NOL4: variants seen among roughly 807,000 people sequenced by gnomAD.
NOL4 encodes cancer/testis antigen 125.
Under a neutral mutation model 75.9 loss-of-function variants are expected in NOL4, and 17 were observed. The ratio of observed to expected loss-of-function variants is 0.22; its 90% CI spans 0.15 to 0.34. The LOEUF (loss-of-function observed/expected upper bound fraction) is 0.34. Among genes scored for constraint, NOL4 ranks in the 10% least tolerant of loss-of-function variants. NOL4 has a pLI of 1.00. For synonymous variants in NOL4, 292 were observed against 289.9 expected, an observed-to-expected ratio of 1.01 and a Z score of -0.07; for missense variants, 614 against 793.5, an observed-to-expected ratio of 0.77 and a Z score of 2.72.
chr18:33,912,884 G>C (rs988073688), intron 9 of NOL4, among the ~76,000 whole-genome samples: 14 of 152,108 alleles, frequency 9.2e-5, no homozygotes, highest in African/African-American at 2.9e-4. Flanking sequence ...AGTGTTACCT[G>C]TTTTCCCTGC....
At chr18:34,222,799 A>G (rs2037413731) in intron 1 of NOL4, among the ~76,000 whole-genome samples, 191 bp downstream of exon 1, 1 of 152,126 alleles carries the variant, frequency 6.6e-6, no homozygotes, top group South Asian at 2.1e-4. Context: ...AAAGGACCAC[A>G]AAGACTGTAC....
intron 1 of NOL4, among the ~76,000 whole-genome samples, chr18:34,214,025 A>C (rs1298135042): frequency 6.6e-6 from 1 of 152,182 alleles, no homozygotes. Context: ...GTAGTTGTGA[A>C]TGTACTAATA....
intron 1 of NOL4, among the ~76,000 whole-genome samples, chr18:34,159,982 A>T (rs988144145): frequency 2.6e-5 from 4 of 152,132 alleles, no homozygotes; most frequent in African/African-American, 9.7e-5. Context: ...AGTGCTCAGT[A>T]GGGGCACCCG....
At chr18:34,062,692 C>A (rs2077114735) in intron 5 of NOL4, among the ~76,000 whole-genome samples, 1 of 151,878 alleles carries the variant, frequency 6.6e-6, no homozygotes, top group African/African-American at 2.4e-5. Flanking sequence ...CTCAAATGTC[C>A]AACTTTTTTG....
chr18:34,209,651 T>C (rs2036377512), intron 1 of NOL4, among the ~76,000 whole-genome samples: 1 of 152,056 alleles, frequency 6.6e-6, no homozygotes, highest in South Asian at 2.1e-4. Context: ...CTGAACTCAA[T>C]CAAAACTCAC....
At chr18:34,042,489 C>T (rs904317727) in intron 5 of NOL4, among the ~76,000 whole-genome samples, 1 of 151,772 alleles carries the variant, frequency 6.6e-6, no homozygotes, top group African/African-American at 2.4e-5. Flanking sequence ...AATCATATTC[C>T]AAAAGTTTAA....
intron 6 of NOL4, among the ~76,000 whole-genome samples, chr18:34,001,037 G>C (rs2073660982): frequency 6.6e-6 from 1 of 152,014 alleles, no homozygotes; most frequent in African/African-American, 2.4e-5. Flanking sequence ...AGAAAAACAA[G>C]AAAGTAAATC....
chr18:34,094,581 G>A (rs1471108383), intron 4 of NOL4, among the ~76,000 whole-genome samples: 1 of 152,220 alleles, frequency 6.6e-6, no homozygotes, highest in Non-Finnish European at 1.5e-5. Flanking sequence ...ACTTCGTTTG[G>A]AGAACTGATT....
intron 5 of NOL4, among the ~76,000 whole-genome samples, chr18:34,065,817 C>T (rs2077251646): frequency 6.6e-6 from 1 of 151,860 alleles, no homozygotes; most frequent in Admixed American, 6.6e-5. Flanking sequence ...AGATTAAATG[C>T]TAAGTAATTG....
chr18:34,161,851 G>A (rs1027852132), intron 1 of NOL4, among the ~76,000 whole-genome samples: 2 of 152,088 alleles, frequency 1.3e-5, no homozygotes, highest in Non-Finnish European at 2.9e-5. Context: ...TCTTTGCACT[G>A]AAATATTCAA....
chr18:34,187,208 C>T (rs2034528961), intron 1 of NOL4, among the ~76,000 whole-genome samples: 1 of 152,110 alleles, frequency 6.6e-6, no homozygotes, highest in Non-Finnish European at 1.5e-5. Flanking sequence ...TCCTTAACCC[C>T]ATAACAACCA....
At chr18:34,033,131 G>A (rs1374854597) in intron 5 of NOL4, among the ~76,000 whole-genome samples, 3 of 152,024 alleles carry the variant, frequency 2.0e-5, no homozygotes, top group Non-Finnish European at 2.9e-5. Context: ...TCAATGTAAA[G>A]GCACAGGAAA....
At chr18:34,139,229 T>C (rs1408013669) in intron 1 of NOL4, among the ~76,000 whole-genome samples, 1 of 152,198 alleles carries the variant, frequency 6.6e-6, no homozygotes. Context: ...TTTCTATTGA[T>C]TGGAATAGTT....
At chr18:33,999,538 G>A (rs181515883) in intron 6 of NOL4, among the ~76,000 whole-genome samples, 77 of 152,130 alleles carry the variant, frequency 5.1e-4, no homozygotes, top group African/African-American at 1.7e-3. Flanking sequence ...GTTGGGAGTG[G>A]AGTACCTGTG....
chr18:33,914,650 C>A (rs1477800955), intron 9 of NOL4, among the ~76,000 whole-genome samples: 1 of 151,888 alleles, frequency 6.6e-6, no homozygotes, highest in African/African-American at 2.4e-5. Flanking sequence ...ACAGTGTGGG[C>A]AGATTGACTT....
chr18:34,083,039 A>G (rs772272021), intron 5 of NOL4, among the ~76,000 whole-genome samples: 3 of 152,190 alleles, frequency 2.0e-5, no homozygotes, highest in Non-Finnish European at 4.4e-5. Flanking sequence ...ATTTTATGAA[A>G]AGTGATTGAG....
chr18:33,980,367 C>T (rs899472009), intron 6 of NOL4, among the ~76,000 whole-genome samples: 1 of 152,000 alleles, frequency 6.6e-6, no homozygotes, highest in Non-Finnish European at 1.5e-5. Context: ...AGAATTTCTA[C>T]CAAGTTTTTA....
chr18:33,899,862 T>C (rs1054382971), intron 9 of NOL4, among the ~76,000 whole-genome samples: 8 of 152,138 alleles, frequency 5.3e-5, no homozygotes, highest in Non-Finnish European at 1.0e-4. Flanking sequence ...CTGGGCTATA[T>C]GTTTTAAAAT....
intron 1 of NOL4, chr18:34,158,521 T>A (rs1218259079): frequency 6.6e-6 from 1 of 152,190 alleles, no homozygotes; most frequent in African/African-American, 2.4e-5. Flanking sequence ...ATTTTAGCAC[T>A]GGCATATAGA....
Sources: gnomAD v4.1 joint callset for allele counts (sites outside exome capture counted in the v4.1 genomes callset) on GRCh38, gnomAD v4.1.1 for gene constraint, MANE v1.5 for transcripts, NCBI Gene and HGNC (gene_info 2026-07-23, HGNC 2026-07-21) for gene names.